The following CHD1L variants were observed in gnomAD, a reference collection of about 807,000 sequenced individuals.
CHD1L encodes the protein chromodomain helicase DNA binding protein 1 like, also known as ATP-dependent chromatin remodeler CHD1L.
CHD1L carries 118 observed loss-of-function variants against 115.9 expected under a neutral mutation model. The observed-to-expected ratio is 1.02, with a 90% CI of 0.88 to 1.19. The LOEUF is 1.19. Among genes scored for constraint, CHD1L ranks in the 50% most tolerant of loss-of-function variants. The pLI, the probability that CHD1L is intolerant of heterozygous loss-of-function variation, is 0.00. For missense variants in CHD1L, 1,179 were observed against 1,065.3 expected (o/e 1.11, Z -1.49); for synonymous variants, 411 against 387.1 (o/e 1.06, Z -0.72).
rs587685788 is a variant in CHD1L at position 147,277,763 on chromosome 1, C to G, written c.1539+1506C>G. On this transcript the variant is annotated intron_variant, in intron 14 of 22. Transcript: ENST00000369258. ...AGATACCCTTAAATGCAGTTTTCCA[C>G]AGAAAAATTATCCATAGAACCTTAA... is the stretch of plus-strand genomic sequence containing the variant. 3.3e-5 allele frequency among the ~76,000 whole-genome samples: 5 copies of G among 152,262 alleles called. No homozygotes were observed. The South Asian group carries it at 1.0e-3, about 32-fold the overall frequency.
Position 147,284,575 on chromosome 1 carries a change from A to G in CHD1L, c.1854+76A>G. On this transcript the variant is annotated intron_variant, in intron 16 of 22. Coordinates refer to ENST00000369258, the MANE Select transcript of CHD1L (RefSeq NM_004284.6). The stretch of plus-strand genomic sequence containing the variant: ...AAACAAACAAAAAAATGATGCTGGC[A>G]TCGTTTTGTTCTCTTAGGATGATTT... 2.3e-6 allele frequency: 3 copies of G among 1,311,884 alleles called. No individual in the cohort carries two copies. The South Asian group carries it at 4.8e-5, about 21-fold the overall frequency. 81.3% of individuals were successfully genotyped at this position (1,311,884 alleles called of 1,614,324 possible). A position where few individuals can be genotyped will look rare whatever the true frequency, so the allele number is the denominator to read the frequency against.
chr1:147,232,610 T>C, the CHD1L span, among the ~76,000 whole-genome samples: 1 of 147,250 alleles, frequency 6.8e-6, no homozygotes, highest in South Asian at 2.4e-4. Context: ...CTGATTCTCC[T>C]GCCTCAGCCT....
chr1:147,258,243 T>G (rs1171221104), intron 5 of CHD1L, among the ~76,000 whole-genome samples: 8 of 152,188 alleles, frequency 5.3e-5, no homozygotes, highest in Non-Finnish European at 1.2e-4. Flanking sequence ...TTCCATTCAG[T>G]GCTGGATTTC....
At chr1:147,288,152 C>G (rs889121728) in intron 19 of CHD1L, among the ~76,000 whole-genome samples, 17 of 151,734 alleles carry the variant, frequency 1.1e-4, no homozygotes, top group Non-Finnish European at 2.4e-4. Context: ...TAGTGAGATC[C>G]TGTCTCTACC....
At chr1:147,272,325 A>T in intron 12 of CHD1L, 44 bp downstream of exon 12, 1 of 1,300,654 alleles carries the variant, frequency 7.7e-7, no homozygotes, top group African/African-American at 1.5e-5. Context: ...ATGAGGGATA[A>T]TAGAGTACTA....
the CHD1L span, among the ~76,000 whole-genome samples, chr1:147,194,623 C>G: frequency 6.6e-6 from 1 of 152,090 alleles, no homozygotes. Flanking sequence ...TACATTTTGG[C>G]ATGTTTTTGC....
chr1:147,267,292 ATTTGGG>A (rs1321132060), intron 8 of CHD1L, 128 bp from the exon 9 acceptor site: 5 of 553,316 alleles, frequency 9.0e-6, no homozygotes, highest in Non-Finnish European at 9.4e-6. Flanking sequence ...ATTCAGTGAA[ATTTGGG>A]AGGTTAGTAT....
chr1:147,293,590 A>G lies in CHD1L; in HGVS notation c.2392-18A>G. The stretch of plus-strand genomic sequence containing the variant: ...CTGTTTCATGTTGGGTTGGTCATCT[A>G]ATGGTGGTTCTTTCCAGTTGGCCTT... On this transcript the variant is annotated intron_variant, in intron 20 of 22. Coordinates refer to ENST00000369258, the MANE Select transcript of CHD1L (RefSeq NM_004284.6). 1 of 1,608,230 alleles carries G rather than the reference A, an allele frequency of 6.2e-7. No individual in the cohort carries two copies. Among genetic ancestry groups the G allele is most frequent in the Non-Finnish European group, 8.5e-7 (1 of 1,175,360 alleles).
intron 15 of CHD1L, among the ~76,000 whole-genome samples, chr1:147,283,645 A>G (rs1681839156): frequency 6.6e-6 from 1 of 152,218 alleles, no homozygotes; most frequent in Middle Eastern, 3.2e-3. Context: ...ATTCAAGATG[A>G]CACTATTGTC....
chr1:147,204,487 C>A, the CHD1L span: 1 of 1,529,114 alleles, frequency 6.5e-7, no homozygotes, highest in Non-Finnish European at 9.1e-7. Flanking sequence ...TTTTGCAGAA[C>A]AACGTACCAA....
At chr1:147,247,155 A>AT (rs1258938045) in intron 1 of CHD1L, among the ~76,000 whole-genome samples, 1 of 152,058 alleles carries the variant, frequency 6.6e-6, no homozygotes, top group Non-Finnish European at 1.5e-5. Context: ...ATGAATTCTA[A>AT]TTTTATTACA....
At chr1:147,203,272 T>G in the CHD1L span, 12 of 1,557,754 alleles carry the variant, frequency 7.7e-6, no homozygotes, top group African/African-American at 1.5e-4. Context: ...ATTAAGCCAA[T>G]TTCAATCATT....
chr1:147,214,012 A>C, the CHD1L span, among the ~76,000 whole-genome samples: 1 of 152,168 alleles, frequency 6.6e-6, no homozygotes, highest in Non-Finnish European at 1.5e-5. Context: ...TTTACAAAGA[A>C]CTATAAAGAA....
At chr1:147,254,520 G>A (rs114458188) in intron 2 of CHD1L, among the ~76,000 whole-genome samples, 76 of 152,290 alleles carry the variant, frequency 5.0e-4, no homozygotes, top group South Asian at 1.7e-3. Flanking sequence ...CTTGCTTAAT[G>A]TTTTCAGAGT....
chr1:147,249,444 T>C (rs1667694102), intron 1 of CHD1L, among the ~76,000 whole-genome samples: 1 of 145,532 alleles, frequency 6.9e-6, no homozygotes, highest in Non-Finnish European at 1.5e-5. Context: ...TCTCTCTCTG[T>C]TGCCAGGCTG....
At chr1:147,229,259 A>C in the CHD1L span, among the ~76,000 whole-genome samples, 2 of 152,200 alleles carry the variant, frequency 1.3e-5, no homozygotes, top group African/African-American at 4.8e-5. Context: ...CATTTATTAA[A>C]TAGGGAATCC....
the CHD1L span, among the ~76,000 whole-genome samples, chr1:147,192,303 C>G: frequency 6.6e-6 from 1 of 151,976 alleles, no homozygotes; most frequent in Non-Finnish European, 1.5e-5. Context: ...CATGATTTGG[C>G]TCTCTGTTTG....
the CHD1L span, among the ~76,000 whole-genome samples, chr1:147,188,392 G>A: frequency 1.3e-5 from 2 of 151,950 alleles, no homozygotes; most frequent in East Asian, 3.9e-4. Context: ...GGCGTTGTTA[G>A]TATGCCTGTA....
At chr1:147,215,093 T>C in the CHD1L span, 1 of 152,138 alleles carries the variant, frequency 6.6e-6, no homozygotes, top group Admixed American at 6.5e-5. Flanking sequence ...TCAGAAATTA[T>C]AGAAAAGTCC....
Sources: gnomAD v4.1 joint callset for allele counts (sites outside exome capture counted in the v4.1 genomes callset) on GRCh38, gnomAD v4.1.1 for gene constraint, MANE v1.5 for transcripts, NCBI Gene and HGNC (gene_info 2026-07-23, HGNC 2026-07-21) for gene names.